HMGCLL1: variants seen among roughly 807,000 people sequenced by gnomAD.
The protein encoded by HMGCLL1 is 3-hydroxymethyl-3-methylglutaryl-CoA lyase, cytoplasmic.
A neutral mutation model predicts 39.1 loss-of-function variants in HMGCLL1; 36 were observed. That is an observed-to-expected ratio of 0.92 (90% CI 0.71 to 1.22). The LOEUF (loss-of-function observed/expected upper bound fraction) is 1.22, where lower values mean the gene tolerates loss of function less well. Ranked by LOEUF, HMGCLL1 falls within the 50% of genes most tolerant of loss-of-function variation. The probability of loss-of-function intolerance (pLI) is 0.00; values close to 1 mark genes in which losing one functional copy is unlikely to be tolerated. For missense variants in HMGCLL1, 451 were observed against 416.5 expected, an observed-to-expected ratio of 1.08 and a Z score of -0.72; for synonymous variants, 149 against 144.0, an observed-to-expected ratio of 1.03 and a Z score of -0.25.
chr6:55,499,202 A>G (rs1317080240), intron 6 of HMGCLL1, 34 bp downstream of exon 6: 8 of 1,537,884 alleles, frequency 5.2e-6, no homozygotes, highest in Non-Finnish European at 7.1e-6. Flanking sequence ...ATATCATGTT[A>G]CCATAAACCA....
chr6:55,644,779 C>T, the HMGCLL1 span, among the ~76,000 whole-genome samples: 2 of 151,954 alleles, frequency 1.3e-5, no homozygotes, highest in African/African-American at 4.8e-5. Flanking sequence ...ATGCCAGTAC[C>T]ATGCTGTTTT....
chr6:55,628,524 G>A, the HMGCLL1 span, among the ~76,000 whole-genome samples: 18 of 151,620 alleles, frequency 1.2e-4, no homozygotes, highest in African/African-American at 4.4e-4. Flanking sequence ...GGCTGGTCTT[G>A]AACACCTGAT....
chr6:55,650,149 A>ACG, the HMGCLL1 span, among the ~76,000 whole-genome samples: 1 of 125,590 alleles, frequency 8.0e-6, no homozygotes, highest in Non-Finnish European at 1.7e-5. Flanking sequence ...ACACACACAC[A>ACG]TATGTATATA....
chr6:55,567,913 A>C (rs1274956946), intron 1 of HMGCLL1, among the ~76,000 whole-genome samples: 1 of 152,138 alleles, frequency 6.6e-6, no homozygotes, highest in African/African-American at 2.4e-5. Context: ...CGGTCCCTTC[A>C]TTATTGTTTA....
At chr6:55,504,863 G>A (rs1004590991) in intron 5 of HMGCLL1, among the ~76,000 whole-genome samples, 2 of 151,518 alleles carry the variant, frequency 1.3e-5, no homozygotes, top group Non-Finnish European at 3.0e-5. Flanking sequence ...TAAACAAATA[G>A]GTAAGGTTTA....
At chr6:55,444,326 A>G (rs999002963) in intron 7 of HMGCLL1, among the ~76,000 whole-genome samples, 3 of 152,084 alleles carry the variant, frequency 2.0e-5, no homozygotes, top group Non-Finnish European at 4.4e-5. Context: ...GAAAATAACT[A>G]GATAAAAATA....
intron 1 of HMGCLL1, among the ~76,000 whole-genome samples, chr6:55,569,569 C>T (rs1187407209): frequency 6.6e-6 from 1 of 151,988 alleles, no homozygotes; most frequent in African/African-American, 2.4e-5. Context: ...ATTTTTTTAA[C>T]CTTTCTGAAC....
the HMGCLL1 span, among the ~76,000 whole-genome samples, chr6:55,626,200 C>T: frequency 1.3e-5 from 2 of 152,124 alleles, no homozygotes; most frequent in East Asian, 3.9e-4. Flanking sequence ...AGTGGTTTGT[C>T]CTCACAGGAA....
chr6:55,539,362 T>C (rs913110597), intron 3 of HMGCLL1, among the ~76,000 whole-genome samples: 2 of 152,170 alleles, frequency 1.3e-5, no homozygotes, highest in Non-Finnish European at 2.9e-5. Context: ...GGAATATAAA[T>C]AATTCTATCA....
At chr6:55,445,657 C>CAT (rs1554139866) in intron 7 of HMGCLL1, among the ~76,000 whole-genome samples, 1 of 151,740 alleles carries the variant, frequency 6.6e-6, no homozygotes, top group South Asian at 2.1e-4. Flanking sequence ...GGTGTGCATG[C>CAT]ATGTGTGTGT....
chr6:55,651,712 C>T, the HMGCLL1 span, among the ~76,000 whole-genome samples: 6 of 151,962 alleles, frequency 3.9e-5, no homozygotes, highest in Non-Finnish European at 7.4e-5. Flanking sequence ...TACCTAGGAC[C>T]CCAGAGCACT....
chr6:55,620,094 A>C, the HMGCLL1 span, among the ~76,000 whole-genome samples: 3 of 152,070 alleles, frequency 2.0e-5, no homozygotes, highest in Non-Finnish European at 4.4e-5. Flanking sequence ...TTGTTGATGG[A>C]CACTTAGGTT....
the HMGCLL1 span, among the ~76,000 whole-genome samples, chr6:55,592,904 C>A: frequency 5.3e-5 from 8 of 152,110 alleles, no homozygotes; most frequent in Admixed American, 3.9e-4. Context: ...AGAAGTCGGA[C>A]ATCAGAGCCC....
the HMGCLL1 span, among the ~76,000 whole-genome samples, chr6:55,601,640 A>C: frequency 6.6e-6 from 1 of 152,158 alleles, no homozygotes; most frequent in East Asian, 1.9e-4. Context: ...CAAGGATTCA[A>C]GCTGTTTAGC....
rs898232452 is a variant in HMGCLL1, at chr6:55,518,790, C to T, written c.298-2187G>A. On this transcript the variant is annotated intron_variant, in intron 3 of 8. Transcript: ENST00000274901. ...GAAGTAGCCTCCAGATGACTTTTGC[C>T]TCCAGCATTTGAGTCATCCAGCTGA... is the stretch of plus-strand genomic sequence containing the variant. 2.6e-5 allele frequency among the ~76,000 whole-genome samples: 4 copies of T among 152,120 alleles called. No individual in the cohort carries two copies. The East Asian group carries it at 7.7e-4, about 29-fold the overall frequency.
At chr6:55,596,023 T>C in the HMGCLL1 span, among the ~76,000 whole-genome samples, 1 of 152,156 alleles carries the variant, frequency 6.6e-6, no homozygotes, top group Non-Finnish European at 1.5e-5. Context: ...GATGGCGTTT[T>C]ATTAAAAAAG....
chr6:55,501,866 C>T (rs12210883), intron 5 of HMGCLL1, among the ~76,000 whole-genome samples: 102,479 of 151,648 alleles, frequency 0.68, 34,643 homozygotes, highest in Non-Finnish European at 0.7. Context: ...TGGACCTGAC[C>T]GTATCTAACT....
the HMGCLL1 span, among the ~76,000 whole-genome samples, chr6:55,675,165 A>G: frequency 6.6e-6 from 1 of 152,146 alleles, no homozygotes; most frequent in Non-Finnish European, 1.5e-5. Flanking sequence ...GGTAGAATGC[A>G]ATCACTGGAA....
chr6:55,636,090 C>G, the HMGCLL1 span, among the ~76,000 whole-genome samples: 1 of 152,002 alleles, frequency 6.6e-6, no homozygotes, highest in Non-Finnish European at 1.5e-5. Flanking sequence ...TTTTAGGGTA[C>G]TTGTTTCATT....
Sources: allele counts gnomAD v4.1 joint callset (sites outside exome capture counted in the v4.1 genomes callset), GRCh38; gene constraint gnomAD v4.1.1; transcripts MANE v1.5; gene names NCBI Gene and HGNC (gene_info 2026-07-23, HGNC 2026-07-21).